Variants in ZNF236 observed in about 807,000 individuals in gnomAD.
The protein encoded by ZNF236 is regulated by glucose.
Under a neutral mutation model 191.2 loss-of-function variants are expected in ZNF236, and 50 were observed. The observed-to-expected ratio is 0.26, with a 90% confidence interval of 0.21 to 0.33. The LOEUF is 0.33. Among genes scored for constraint, ZNF236 ranks in the 10% least tolerant of loss-of-function variants. ZNF236 has a pLI of 1.00. For missense variants in ZNF236, 1,754 were observed against 2,374.5 expected, an observed-to-expected ratio of 0.74 and a Z score of 5.43; for synonymous variants, 907 against 928.8, an observed-to-expected ratio of 0.98 and a Z score of 0.43.
At chr18:76,916,626 A>G (rs1967371024) in intron 19 of ZNF236, among the ~76,000 whole-genome samples, 1 of 152,248 alleles carries the variant, frequency 6.6e-6, no homozygotes, top group Non-Finnish European at 1.5e-5. Flanking sequence ...GAAATTATAC[A>G]GTTACGAATA....
At chr18:76,871,925 CAT>C in intron 5 of ZNF236, 100 bp downstream of exon 5, 1 of 1,436,028 alleles carries the variant, frequency 7.0e-7, no homozygotes, top group East Asian at 2.3e-5. Context: ...CCAGCTTTCT[CAT>C]AGTTTGCTGG....
intron 20 of ZNF236, among the ~76,000 whole-genome samples, chr18:76,921,852 T>C (rs988217470): frequency 6.6e-6 from 1 of 150,636 alleles, no homozygotes; most frequent in Admixed American, 6.7e-5. Flanking sequence ...CTTATAGCTG[T>C]GTTTTCTTCT....
At chr18:76,950,325 T>C (rs1274375256) in intron 27 of ZNF236, among the ~76,000 whole-genome samples, 1 of 152,252 alleles carries the variant, frequency 6.6e-6, no homozygotes, top group Non-Finnish European at 1.5e-5. Context: ...TTTAAATCTT[T>C]TGTTGTAATT....
In ZNF236 at chr18:76,941,865, A is replaced by T. The variant is rs191391767; in HGVS notation, c.4782+4522A>T. Among the ~76,000 whole-genome samples the T allele has an allele frequency of 2.6e-5, 4 of 152,322 alleles. No homozygotes were observed. The East Asian group carries it at 7.7e-4, about 29-fold the overall frequency. ...GTAGCTTTATTTGAATCTTTTTTCTATTAGCTGGCAAACTTAGACTTGTGC... is the reference window on the plus strand; with the variant it reads ...GTAGCTTTATTTGAATCTTTTTTCTTTTAGCTGGCAAACTTAGACTTGTGC... On this transcript the variant is annotated intron_variant, in intron 26 of 30. Coordinates refer to ENST00000320610, the MANE Select transcript of ZNF236 (RefSeq NM_001306089.2).
At chr18:76,855,760 G>A (rs1312151776) in intron 3 of ZNF236, among the ~76,000 whole-genome samples, 1 of 152,144 alleles carries the variant, frequency 6.6e-6, no homozygotes. Flanking sequence ...GGCTGGGCGT[G>A]GGTGGGGTGC....
At chr18:76,857,838 A>G (rs1976089573) in intron 3 of ZNF236, among the ~76,000 whole-genome samples, 1 of 152,146 alleles carries the variant, frequency 6.6e-6, no homozygotes, top group Non-Finnish European at 1.5e-5. Flanking sequence ...ATAGGCTGGT[A>G]TTTTTATTGT....
chr18:76,846,671 T>C (rs963058210), intron 1 of ZNF236, among the ~76,000 whole-genome samples: 1 of 152,240 alleles, frequency 6.6e-6, no homozygotes, highest in Non-Finnish European at 1.5e-5. Context: ...GTTATATCAC[T>C]GTTTGGAAGA....
intron 27 of ZNF236, among the ~76,000 whole-genome samples, chr18:76,950,275 T>G (rs1968371743): frequency 6.6e-6 from 1 of 152,226 alleles, no homozygotes; most frequent in Non-Finnish European, 1.5e-5. Context: ...GGAGTCCATC[T>G]CTCAAAGCCC....
intron 5 of ZNF236, among the ~76,000 whole-genome samples, chr18:76,874,675 T>C (rs1230670673): frequency 6.6e-6 from 1 of 152,064 alleles, no homozygotes; most frequent in East Asian, 1.9e-4. Context: ...AAGTCCTCAG[T>C]GTAAAGACGA....
chr18:76,842,703 A>G (rs915774700), intron 1 of ZNF236, among the ~76,000 whole-genome samples: 5 of 151,820 alleles, frequency 3.3e-5, no homozygotes, highest in Admixed American at 3.3e-4. Flanking sequence ...GTGAGCAGAG[A>G]TCGCGCCATC....
rs558607907 is a variant in ZNF236 at position 76,880,531 on chromosome 18, C to A, written c.1188+215C>A. Among the ~76,000 whole-genome samples, 2 of 150,332 alleles carry A rather than the reference C, an allele frequency of 1.3e-5. No individual in the cohort carries two copies. The highest frequency in any genetic ancestry group is 3.0e-5 in the Non-Finnish European group (2 of 66,776). ...TTCATCTATACATTAAAAAAAAAATCACAAACTTTTATTTTTTTTCCATAA... is the reference window on the plus strand; with the variant it reads ...TTCATCTATACATTAAAAAAAAAATAACAAACTTTTATTTTTTTTCCATAA... On this transcript the variant is annotated intron_variant, in intron 8 of 30. Coordinates refer to ENST00000320610, the MANE Select transcript of ZNF236 (RefSeq NM_001306089.2). The surrounding 1 kb of genome is among the most constrained non-coding windows in gnomAD (Gnocchi z 5.0).
rs74487564 is a variant in ZNF236, at chr18:76,924,405, C to T, written c.3662-784C>T. On this transcript the variant is annotated intron_variant, in intron 21 of 30. Coordinates refer to ENST00000320610, the MANE Select transcript of ZNF236 (RefSeq NM_001306089.2). ...GATAAATACCTTTTGGTGCCTCTTT[C>T]TCCATTCTGAAGTAGAGGTGTGATT... Among the ~76,000 whole-genome samples, 367 of 152,326 alleles carry T rather than the reference C, an allele frequency of 2.4e-3. 13 individuals carry two copies. In the East Asian group the frequency reaches 0.066, roughly 27 times the overall value.
At chr18:76,912,645 T>G (rs1218702417) in intron 17 of ZNF236, among the ~76,000 whole-genome samples, 2 of 152,222 alleles carry the variant, frequency 1.3e-5, no homozygotes, top group Non-Finnish European at 1.5e-5. Context: ...TTATTCCATT[T>G]TCGAAATTAG....
intron 9 of ZNF236, chr18:76,887,435 G>A (rs117536873): frequency 0.017 from 2,553 of 152,164 alleles, 29 homozygotes; most frequent in Middle Eastern, 0.02. Context: ...AGCAGGGTCC[G>A]TTCCTCGATT....
At chr18:76,829,986 T>C (rs921321133) in intron 1 of ZNF236, among the ~76,000 whole-genome samples, 9 of 152,242 alleles carry the variant, frequency 5.9e-5, no homozygotes, top group Non-Finnish European at 1.2e-4. Flanking sequence ...TTATCCTGCC[T>C]CAGCCACCTG....
chr18:76,968,107 T>G, intron 30 of ZNF236, 108 bp from the exon 31 acceptor site: 2 of 1,428,556 alleles, frequency 1.4e-6, no homozygotes, highest in Non-Finnish European at 9.7e-7. Flanking sequence ...AGCAAATTAC[T>G]TTAGAAATTC....
At chr18:76,928,144 C>T (rs377645149) in intron 25 of ZNF236, 38 bp downstream of exon 25, 33 of 1,537,720 alleles carry the variant, frequency 2.1e-5, no homozygotes, top group Non-Finnish European at 2.8e-5. Flanking sequence ...TTTCACCCTG[C>T]AATTTAAGTA....
intron 2 of ZNF236, among the ~76,000 whole-genome samples, chr18:76,851,105 G>A (rs182433241): frequency 1.4e-5 from 2 of 148,108 alleles, no homozygotes; most frequent in Admixed American, 1.4e-4. Flanking sequence ...GAAAATGTTT[G>A]GAAGAAAACA....
Position 76,920,206 on chromosome 18 carries a change from G to A in ZNF236, c.3557+148G>A, listed in dbSNP as rs974606880. The A allele has an allele frequency of 1.8e-5, 17 of 950,176 alleles. No individual in the cohort carries two copies. In the African/African-American group the frequency reaches 2.5e-4, roughly 14 times the overall value. 58.9% of individuals were successfully genotyped at this position (950,176 alleles called of 1,614,324 possible). A position where few individuals can be genotyped will look rare whatever the true frequency, so the allele number is the denominator to read the frequency against. ...TGGCAGCTTACTTACTTGAATGTAT[G>A]GTTTTAAGCTTGAATTAGTTCTCTG... On this transcript the variant is annotated intron_variant, in intron 20 of 30. Coordinates refer to ENST00000320610, the MANE Select transcript of ZNF236 (RefSeq NM_001306089.2).
Sources: gnomAD v4.1 joint callset for allele counts (sites outside exome capture counted in the v4.1 genomes callset) on GRCh38, gnomAD v4.1.1 for gene constraint, Gnocchi (gnomAD v3.1) non-coding constraint, MANE v1.5 for transcripts, NCBI Gene and HGNC (gene_info 2026-07-23, HGNC 2026-07-21) for gene names.